MDGA2: variants seen among roughly 807,000 people sequenced by gnomAD.
The protein encoded by MDGA2 is MAM domain containing glycosylphosphatidylinositol anchor 2, also known as MAM domain-containing glycosylphosphatidylinositol anchor protein 2.
In MDGA2, 40 loss-of-function variants were observed where a neutral mutation model predicts 117.8. The ratio of observed to expected loss-of-function variants is 0.34; its 90% confidence interval spans 0.26 to 0.44. The LOEUF (loss-of-function observed/expected upper bound fraction) is 0.44, where lower values mean the gene tolerates loss of function less well. MDGA2 is among the 20% of genes least tolerant of loss of function. The probability of loss-of-function intolerance (pLI) is 1.00; values close to 1 mark genes in which losing one functional copy is unlikely to be tolerated. For synonymous variants in MDGA2, 452 were observed against 439.0 expected (o/e 1.03, Z -0.37); for missense variants, 1,123 against 1,250.6 (o/e 0.90, Z 1.54).
intron 1 of MDGA2, among the ~76,000 whole-genome samples, chr14:47,656,081 G>C (rs1304067125): frequency 2.0e-5 from 3 of 152,164 alleles, no homozygotes; most frequent in East Asian, 3.8e-4. Flanking sequence ...AACTTACTTA[G>C]GCAGAATGCC....
chr14:47,632,783 T>G (rs1217139913), intron 1 of MDGA2, among the ~76,000 whole-genome samples: 5 of 152,054 alleles, frequency 3.3e-5, no homozygotes, highest in African/African-American at 1.2e-4. Context: ...CTTCCTTTCC[T>G]TCCTTCCCCA....
At chr14:47,367,784 A>G (rs988423377) in intron 1 of MDGA2, among the ~76,000 whole-genome samples, 1 of 152,214 alleles carries the variant, frequency 6.6e-6, no homozygotes, top group African/African-American at 2.4e-5. Context: ...TACTTGGCTA[A>G]TATCTCTTTT....
intron 1 of MDGA2, among the ~76,000 whole-genome samples, chr14:47,382,103 A>T (rs1891644562): frequency 6.6e-6 from 1 of 152,210 alleles, no homozygotes; most frequent in African/African-American, 2.4e-5. Flanking sequence ...AGGAATGGGG[A>T]AAGGATTCCC....
chr14:46,915,816 G>A (rs1178833198), intron 10 of MDGA2, among the ~76,000 whole-genome samples: 1 of 152,112 alleles, frequency 6.6e-6, no homozygotes, highest in Non-Finnish European at 1.5e-5. Flanking sequence ...CAATACACTG[G>A]CTGTGCATCA....
At chr14:46,912,018 G>A (rs1883723798) in intron 10 of MDGA2, among the ~76,000 whole-genome samples, 1 of 151,970 alleles carries the variant, frequency 6.6e-6, no homozygotes, top group Non-Finnish European at 1.5e-5. Flanking sequence ...ATTTAGACAT[G>A]CCAATTCACC....
At chr14:47,355,319 G>A (rs140920402) in intron 1 of MDGA2, among the ~76,000 whole-genome samples, 4 of 152,178 alleles carry the variant, frequency 2.6e-5, no homozygotes, top group Admixed American at 2.0e-4. Context: ...GGGTGCATTC[G>A]CTAACGCTGG....
chr14:46,994,514 A>AACAC lies in MDGA2; in HGVS notation c.1820-36875_1820-36872dup, dbSNP rs60903573. On this transcript the variant is annotated intron_variant, in intron 8 of 16. Coordinates refer to ENST00000399232, the MANE Select transcript of MDGA2 (RefSeq NM_001113498.3). ...TAAAAGGCAAACATGCACACATACA[A>AACAC]ACACACACACACACACACACACACA... Among the ~76,000 whole-genome samples the AACAC allele has an allele frequency of 3.0e-3, 449 of 150,068 alleles. 4 individuals carry two copies. The highest frequency in any genetic ancestry group is 0.01 in the African/African-American group (409 of 40,808).
At chr14:47,220,392 G>T in intron 2 of MDGA2, among the ~76,000 whole-genome samples, 1 of 151,992 alleles carries the variant, frequency 6.6e-6, no homozygotes, top group Admixed American at 6.6e-5. Flanking sequence ...ATTATTAATC[G>T]CCACATGGCT....
chr14:47,551,579 A>C (rs1392694943), intron 1 of MDGA2, among the ~76,000 whole-genome samples: 1 of 152,198 alleles, frequency 6.6e-6, no homozygotes, highest in Non-Finnish European at 1.5e-5. Context: ...ATCTCTTATT[A>C]ATCACTGATA....
chr14:47,613,530 C>T (rs139069632), intron 1 of MDGA2, among the ~76,000 whole-genome samples: 129 of 151,522 alleles, frequency 8.5e-4, no homozygotes, highest in Middle Eastern at 6.8e-3. Flanking sequence ...CACCAACCAT[C>T]CCAGAAATAA....
At chr14:47,368,034 C>T (rs957340720) in intron 1 of MDGA2, among the ~76,000 whole-genome samples, 2 of 151,944 alleles carry the variant, frequency 1.3e-5, no homozygotes, top group Admixed American at 1.3e-4. Context: ...AATCCCAGCA[C>T]TTTGGGAGGC....
At position 46,913,981 on chromosome 14, in the gene MDGA2, T is replaced by A. The variant is rs1209782533; in HGVS notation, c.2238+6031A>T. On this transcript the variant is annotated intron_variant, in intron 10 of 16. Coordinates refer to ENST00000399232, the MANE Select transcript of MDGA2 (RefSeq NM_001113498.3). ...AAAAAAGGAATTGGTCAATTATGGA[T>A]TTTTTTAAAATAAAATATCCTACTT... Among the ~76,000 whole-genome samples the A allele has an allele frequency of 2.0e-5, 3 of 152,114 alleles. No homozygotes were observed. The South Asian group carries it at 6.2e-4, about 32-fold the overall frequency.
chr14:47,361,061 G>C (rs1290371426), intron 1 of MDGA2, among the ~76,000 whole-genome samples: 4 of 152,018 alleles, frequency 2.6e-5, no homozygotes, highest in Non-Finnish European at 5.9e-5. Context: ...TTTGCTAGGA[G>C]AGTAGATTAT....
chr14:47,589,778 T>C (rs1460231105), intron 1 of MDGA2, among the ~76,000 whole-genome samples: 1 of 151,974 alleles, frequency 6.6e-6, no homozygotes, highest in African/African-American at 2.4e-5. Flanking sequence ...TTAATAAGAG[T>C]AAGTCTTCCA....
chr14:47,183,209 G>A (rs186132076), intron 3 of MDGA2, among the ~76,000 whole-genome samples: 8 of 152,182 alleles, frequency 5.3e-5, no homozygotes, highest in South Asian at 2.1e-4. Context: ...CAGCCTTGAT[G>A]TATTCTGGTT....
chr14:47,161,927 CTTTTTTTTTTTTTTTTTTTTTT>C (rs71112489), intron 3 of MDGA2, among the ~76,000 whole-genome samples: 37 of 52,510 alleles, frequency 7.0e-4, no homozygotes, highest in East Asian at 5.1e-3. Flanking sequence ...TCCCCAGATC[CTTTTTTTTTTTTTTTTTTTTTT>C]TTTTTTTTTT....
intron 8 of MDGA2, among the ~76,000 whole-genome samples, chr14:47,020,824 G>A (rs2138582717): frequency 6.6e-6 from 1 of 151,258 alleles, no homozygotes; most frequent in East Asian, 1.9e-4. Flanking sequence ...TTTCTCACTC[G>A]AATGAACTAA....
chr14:47,640,239 T>A (rs144653057), intron 1 of MDGA2, among the ~76,000 whole-genome samples: 84 of 152,318 alleles, frequency 5.5e-4, no homozygotes, highest in African/African-American at 1.9e-3. Context: ...GATTTGAGAA[T>A]CATTTCTGCT....
At chr14:47,124,747 G>A (rs1479354578) in intron 5 of MDGA2, among the ~76,000 whole-genome samples, 2 of 151,948 alleles carry the variant, frequency 1.3e-5, no homozygotes, top group African/African-American at 4.8e-5. Flanking sequence ...TGGGACACTA[G>A]AGGAAGGGAC....
Sources: gnomAD v4.1 joint callset for allele counts (sites outside exome capture counted in the v4.1 genomes callset) on GRCh38, gnomAD v4.1.1 for gene constraint, MANE v1.5 for transcripts, NCBI Gene and HGNC (gene_info 2026-07-23, HGNC 2026-07-21) for gene names.